The following CAMKMT variants were observed in gnomAD, a reference collection of about 807,000 sequenced individuals.
CAMKMT encodes the protein CaM KMT.
Under a neutral mutation model 48.0 loss-of-function variants are expected in CAMKMT, and 53 were observed. That is an observed-to-expected ratio of 1.10 (90% confidence interval 0.89 to 1.39). The LOEUF (loss-of-function observed/expected upper bound fraction) is 1.39. Among genes scored for constraint, CAMKMT ranks in the 40% most tolerant of loss-of-function variants. CAMKMT has a pLI of 0.00. For synonymous variants in CAMKMT, 165 were observed against 152.3 expected (o/e 1.08, Z -0.61); for missense variants, 428 against 402.7 (o/e 1.06, Z -0.54).
At chr2:44,564,450 C>T (rs144966056) in intron 3 of CAMKMT, among the ~76,000 whole-genome samples, 4 of 152,336 alleles carry the variant, frequency 2.6e-5, no homozygotes, top group Non-Finnish European at 4.4e-5. Flanking sequence ...GCTGTTATTA[C>T]AGGCGTGAGC....
chr2:44,633,519 T>A (rs1424188455), intron 3 of CAMKMT, among the ~76,000 whole-genome samples: 1 of 152,228 alleles, frequency 6.6e-6, no homozygotes, highest in Admixed American at 6.5e-5. Flanking sequence ...AATGTTTACA[T>A]CTGCACTGAC....
At chr2:44,466,515 C>T (rs1464611159) in intron 3 of CAMKMT, among the ~76,000 whole-genome samples, 1 of 151,998 alleles carries the variant, frequency 6.6e-6, no homozygotes, top group Non-Finnish European at 1.5e-5. Context: ...TTACGGAATG[C>T]AGCAAAAGCA....
chr2:44,663,973 A>T (rs1221957981), intron 3 of CAMKMT, among the ~76,000 whole-genome samples: 1 of 152,106 alleles, frequency 6.6e-6, no homozygotes, highest in African/African-American at 2.4e-5. Flanking sequence ...GGAGATAAGG[A>T]GTGATGGGGG....
At chr2:44,384,315 A>G (rs1275638671) in intron 2 of CAMKMT, among the ~76,000 whole-genome samples, 1 of 151,282 alleles carries the variant, frequency 6.6e-6, no homozygotes, top group African/African-American at 2.4e-5. Flanking sequence ...CCACTTTTTG[A>G]TGGGATTGTT....
At chr2:44,517,869 G>A (rs996414382) in intron 3 of CAMKMT, among the ~76,000 whole-genome samples, 2 of 152,228 alleles carry the variant, frequency 1.3e-5, no homozygotes, top group Non-Finnish European at 1.5e-5. Context: ...ACATTTAGCA[G>A]TTTAATTAAT....
intron 3 of CAMKMT, among the ~76,000 whole-genome samples, chr2:44,622,740 T>A (rs1318370400): frequency 6.6e-6 from 1 of 152,264 alleles, no homozygotes; most frequent in Non-Finnish European, 1.5e-5. Context: ...AGTCCACTGT[T>A]GATGGGCTGG....
At chr2:44,673,823 A>C (rs1675504663) in intron 3 of CAMKMT, among the ~76,000 whole-genome samples, 1 of 152,220 alleles carries the variant, frequency 6.6e-6, no homozygotes, top group Non-Finnish European at 1.5e-5. Context: ...TAAGTTACAA[A>C]GAATTTGGGA....
At chr2:44,507,305 C>T (rs1670311242) in intron 3 of CAMKMT, among the ~76,000 whole-genome samples, 1 of 152,172 alleles carries the variant, frequency 6.6e-6, no homozygotes, top group Non-Finnish European at 1.5e-5. Flanking sequence ...AATTTTGAAA[C>T]TCAGACCTTA....
intron 3 of CAMKMT, among the ~76,000 whole-genome samples, chr2:44,622,038 A>G (rs1012301779): frequency 6.6e-6 from 1 of 152,208 alleles, no homozygotes; most frequent in Non-Finnish European, 1.5e-5. Context: ...TAACTTCTAA[A>G]TTATTGGCTT....
At chr2:44,456,518 A>G in intron 3 of CAMKMT, 3 of 1,543,626 alleles carry the variant, frequency 1.9e-6, no homozygotes, top group Non-Finnish European at 2.6e-6. Flanking sequence ...GAAAAGCTTT[A>G]ACTACAGCCA....
intron 3 of CAMKMT, among the ~76,000 whole-genome samples, chr2:44,673,108 A>G (rs1209195375): frequency 6.6e-6 from 1 of 152,054 alleles, no homozygotes; most frequent in Non-Finnish European, 1.5e-5. Context: ...GGGCAAAGGA[A>G]GAAACTTTGG....
chr2:44,609,284 G>C (rs1391216364), intron 3 of CAMKMT, among the ~76,000 whole-genome samples: 1 of 152,184 alleles, frequency 6.6e-6, no homozygotes, highest in Non-Finnish European at 1.5e-5. Context: ...GAGACATACT[G>C]TACAGTGTGG....
chr2:44,514,760 A>T (rs1228694196), intron 3 of CAMKMT, among the ~76,000 whole-genome samples: 1 of 152,262 alleles, frequency 6.6e-6, no homozygotes, highest in Non-Finnish European at 1.5e-5. Context: ...CTTTTGAAAG[A>T]TAAAATGCAA....
At chr2:44,724,250 C>G (rs115975802) in intron 7 of CAMKMT, among the ~76,000 whole-genome samples, 243 of 152,198 alleles carry the variant, frequency 1.6e-3, no homozygotes, top group Non-Finnish European at 2.7e-3. Context: ...CCACAGTACT[C>G]CAGCCTGGGC....
intron 3 of CAMKMT, among the ~76,000 whole-genome samples, chr2:44,604,098 G>T (rs549946323): frequency 6.6e-6 from 1 of 152,302 alleles, no homozygotes; most frequent in East Asian, 1.9e-4. Context: ...TTTAAGAGAA[G>T]CTCTGAGTTA....
intron 1 of CAMKMT, among the ~76,000 whole-genome samples, chr2:44,367,885 AC>A (rs1678774239): frequency 6.6e-6 from 1 of 152,196 alleles, no homozygotes; most frequent in African/African-American, 2.4e-5. Context: ...AAGATTTTCA[AC>A]CAATACTTTT....
At chr2:44,705,993 C>T (rs1226338871) in intron 4 of CAMKMT, among the ~76,000 whole-genome samples, 1 of 152,100 alleles carries the variant, frequency 6.6e-6, no homozygotes, top group Non-Finnish European at 1.5e-5. Context: ...TAAAAGACAG[C>T]GCCATTGACA....
intron 3 of CAMKMT, among the ~76,000 whole-genome samples, chr2:44,535,651 C>T (rs576454688): frequency 6.6e-6 from 1 of 152,268 alleles, no homozygotes; most frequent in East Asian, 1.9e-4. Flanking sequence ...ATGACCATTT[C>T]AATAGGCACA....
chr2:44,748,592 G>T (rs1680016456), intron 8 of CAMKMT, among the ~76,000 whole-genome samples: 1 of 152,124 alleles, frequency 6.6e-6, no homozygotes, highest in Non-Finnish European at 1.5e-5. Flanking sequence ...AAGATATTGG[G>T]CCAGACGCGG....
Sources: gnomAD v4.1 joint callset for allele counts (sites outside exome capture counted in the v4.1 genomes callset) on GRCh38, gnomAD v4.1.1 for gene constraint, MANE v1.5 for transcripts, NCBI Gene and HGNC (gene_info 2026-07-23, HGNC 2026-07-21) for gene names.